The following TENM2 variants were observed in gnomAD, a reference collection of about 807,000 sequenced individuals.
TENM2 encodes the protein teneurin-2.
In TENM2, 52 loss-of-function variants were observed where a neutral mutation model predicts 245.2. The ratio of observed to expected loss-of-function variants is 0.21; its 90% CI spans 0.17 to 0.27. TENM2 has a LOEUF of 0.27. Ranked by LOEUF, TENM2 falls within the 10% of genes least tolerant of loss-of-function variation. The pLI is 1.00. For synonymous variants in TENM2, 1,363 were observed against 1,438.9 expected, an observed-to-expected ratio of 0.95 and a Z score of 1.19; for missense variants, 3,046 against 3,666.8, an observed-to-expected ratio of 0.83 and a Z score of 4.37.
chr5:167,333,886 A>G (rs1353919982), intron 1 of TENM2, among the ~76,000 whole-genome samples: 2 of 152,212 alleles, frequency 1.3e-5, no homozygotes, highest in Admixed American at 1.3e-4. Flanking sequence ...TGGCAGCAAT[A>G]TTAGAAAAAA....
chr5:167,898,290 G>A (rs988164290), intron 3 of TENM2, among the ~76,000 whole-genome samples: 2 of 152,086 alleles, frequency 1.3e-5, no homozygotes, highest in African/African-American at 2.4e-5. Context: ...CCTGGACCTA[G>A]GGAATTGGAA....
chr5:167,789,763 T>C (rs921554284), intron 2 of TENM2, among the ~76,000 whole-genome samples: 1 of 152,234 alleles, frequency 6.6e-6, no homozygotes, highest in Non-Finnish European at 1.5e-5. Flanking sequence ...AAGAATATGC[T>C]GTCTGCAGTC....
At chr5:167,524,888 A>G (rs1771004357) in intron 2 of TENM2, among the ~76,000 whole-genome samples, 2 of 151,696 alleles carry the variant, frequency 1.3e-5, no homozygotes, top group Admixed American at 6.6e-5. Context: ...CTCTATTACA[A>G]ATTAAACTCT....
chr5:168,253,999 A>G (rs1767405625), intron 27 of TENM2, among the ~76,000 whole-genome samples: 1 of 152,224 alleles, frequency 6.6e-6, no homozygotes, highest in African/African-American at 2.4e-5. Context: ...AACCCCAGGC[A>G]CACTTTAGCT....
intron 2 of TENM2, among the ~76,000 whole-genome samples, chr5:167,872,490 AAGAAAG>A (rs776139808): frequency 2.8e-5 from 1 of 36,060 alleles, no homozygotes; most frequent in Non-Finnish European, 7.2e-5. Context: ...AAGAAAAAGA[AAGAAAG>A]AAAGAAAGAA....
intron 2 of TENM2, among the ~76,000 whole-genome samples, chr5:167,871,787 T>C (rs1318250513): frequency 5.9e-5 from 9 of 152,046 alleles, no homozygotes; most frequent in Non-Finnish European, 1.2e-4. Context: ...GGGAACAAGG[T>C]GAATGTCTAT....
At chr5:167,521,143 G>A (rs1238098851) in intron 2 of TENM2, among the ~76,000 whole-genome samples, 1 of 151,564 alleles carries the variant, frequency 6.6e-6, no homozygotes, top group African/African-American at 2.4e-5. Flanking sequence ...CATATGCCAT[G>A]ATACATAGGT....
At chr5:168,033,812 A>C (rs759238962) in intron 5 of TENM2, among the ~76,000 whole-genome samples, 2 of 151,976 alleles carry the variant, frequency 1.3e-5, no homozygotes, top group African/African-American at 2.4e-5. Flanking sequence ...AGATCACTTG[A>C]GGTCAGGAGT....
intron 7 of TENM2, among the ~76,000 whole-genome samples, chr5:168,066,836 T>C (rs2152113349): frequency 6.6e-6 from 1 of 152,318 alleles, no homozygotes; most frequent in African/African-American, 2.4e-5. Context: ...CAGCCCTGGT[T>C]CTAGAAAGGT....
chr5:167,146,216 A>G, the TENM2 span, among the ~76,000 whole-genome samples: 1 of 152,148 alleles, frequency 6.6e-6, no homozygotes, highest in Non-Finnish European at 1.5e-5. Flanking sequence ...TATGAATGCC[A>G]CTATTACAAT....
At chr5:166,996,662 A>G in the TENM2 span, among the ~76,000 whole-genome samples, 1 of 152,304 alleles carries the variant, frequency 6.6e-6, no homozygotes, top group African/African-American at 2.4e-5. Context: ...GTTCATGAAT[A>G]TTATTGGGTT....
chr5:167,781,619 C>G (rs1348410040), intron 2 of TENM2, among the ~76,000 whole-genome samples: 1 of 151,926 alleles, frequency 6.6e-6, no homozygotes, highest in Non-Finnish European at 1.5e-5. Context: ...TGAAAGTGAT[C>G]AGGTGAGTAT....
intron 3 of TENM2, among the ~76,000 whole-genome samples, chr5:167,920,387 G>A (rs572344446): frequency 1.5e-4 from 23 of 151,416 alleles, no homozygotes; most frequent in East Asian, 1.4e-3. Flanking sequence ...GCATAGTGGC[G>A]GGCACATGTA....
chr5:167,770,234 A>T (rs1418228596), intron 2 of TENM2, among the ~76,000 whole-genome samples: 2 of 152,186 alleles, frequency 1.3e-5, no homozygotes, highest in Non-Finnish European at 2.9e-5. Context: ...AGTCGTGGGA[A>T]TCAATTGGGC....
At chr5:168,216,090 A>G (rs1240660043) in intron 21 of TENM2, among the ~76,000 whole-genome samples, 1 of 152,230 alleles carries the variant, frequency 6.6e-6, no homozygotes, top group Non-Finnish European at 1.5e-5. Flanking sequence ...AATTCCTGTT[A>G]GCATTTTTAG....
At chr5:167,239,667 C>G in the TENM2 span, among the ~76,000 whole-genome samples, 1,668 of 152,282 alleles carry the variant, frequency 0.011, 36 homozygotes, top group African/African-American at 0.038. Context: ...AGTACTAGAA[C>G]AGTGCCTAAA....
chr5:167,885,337 G>A (rs1774199067), intron 3 of TENM2, among the ~76,000 whole-genome samples: 1 of 151,978 alleles, frequency 6.6e-6, no homozygotes, highest in African/African-American at 2.4e-5. Flanking sequence ...TTATTCTATG[G>A]CAGCCATTGT....
At chr5:167,641,475 A>G (rs1779610837) in intron 2 of TENM2, among the ~76,000 whole-genome samples, 1 of 152,066 alleles carries the variant, frequency 6.6e-6, no homozygotes, top group Admixed American at 6.5e-5. Flanking sequence ...AGCAAAAACC[A>G]CATTTGGTTT....
In TENM2 at chr5:167,555,007, A is replaced by G. The variant is rs149110043; in HGVS notation, c.502+179534A>G. On this transcript the variant is annotated intron_variant, in intron 2 of 28. Transcript: ENST00000518659. ...TCAGGATTAAAAACACACATTTCCC[A>G]TCACTCATCTCTCTGGAAAGCAATG... Among the ~76,000 whole-genome samples, 99 of 152,194 alleles carry G rather than the reference A, an allele frequency of 6.5e-4. 1 individual carries two copies. The highest frequency in any genetic ancestry group is 2.3e-3 in the African/African-American group (95 of 41,542).
Sources: gnomAD v4.1 joint callset for allele counts (sites outside exome capture counted in the v4.1 genomes callset) on GRCh38, gnomAD v4.1.1 for gene constraint, MANE v1.5 for transcripts, NCBI Gene and HGNC (gene_info 2026-07-23, HGNC 2026-07-21) for gene names.